Variants in CRPPA observed in about 807,000 individuals in gnomAD.
CRPPA encodes CDP-L-ribitol pyrophosphorylase A, also known as D-ribitol-5-phosphate cytidylyltransferase.
Under a neutral mutation model 52.0 loss-of-function variants are expected in CRPPA, and 43 were observed. The observed-to-expected ratio is 0.83, with a 90% CI of 0.65 to 1.07. The LOEUF is 1.07. Ranked by LOEUF, CRPPA falls within the 50% of genes least tolerant of loss-of-function variation. CRPPA has a pLI of 0.00. For missense variants in CRPPA, 629 were observed against 551.7 expected (o/e 1.14, Z -1.40); for synonymous variants, 250 against 203.5 (o/e 1.23, Z -1.94).
At chr7:16,245,911 C>T (rs759515107) in intron 8 of CRPPA, among the ~76,000 whole-genome samples, 8 of 152,012 alleles carry the variant, frequency 5.3e-5, no homozygotes, top group Non-Finnish European at 8.8e-5. Flanking sequence ...GAGCCTTCAG[C>T]GAGTCCTAAT....
chr7:16,106,072 A>G (rs979848695), intron 9 of CRPPA, among the ~76,000 whole-genome samples: 8 of 152,130 alleles, frequency 5.3e-5, no homozygotes, highest in Non-Finnish European at 1.2e-4. Flanking sequence ...CTTGACCCAG[A>G]AAGTCAAGCA....
At chr7:16,241,946 C>CTTT (rs71549979) in intron 8 of CRPPA, among the ~76,000 whole-genome samples, 1,504 of 55,272 alleles carry the variant, frequency 0.027, 100 homozygotes, top group African/African-American at 0.041. Context: ...AAAATCTATT[C>CTTT]TTTTTTTTTT....
intron 3 of CRPPA, among the ~76,000 whole-genome samples, chr7:16,329,680 C>T (rs1785504355): frequency 6.6e-6 from 1 of 152,160 alleles, no homozygotes; most frequent in Non-Finnish European, 1.5e-5. Flanking sequence ...AATACAAACA[C>T]GTAAACAATC....
At chr7:16,417,193 T>C (rs1374873486) in intron 1 of CRPPA, among the ~76,000 whole-genome samples, 2 of 152,152 alleles carry the variant, frequency 1.3e-5, no homozygotes, top group African/African-American at 4.8e-5. Flanking sequence ...ACACTGTTAC[T>C]GGGAAAGTCA....
intron 9 of CRPPA, among the ~76,000 whole-genome samples, chr7:16,214,351 C>T (rs1398609564): frequency 6.6e-6 from 1 of 152,176 alleles, no homozygotes; most frequent in African/African-American, 2.4e-5. Context: ...GGATTATTTA[C>T]ACTCTCCATT....
rs1422966334 is a variant in CRPPA at position 16,133,022 on chromosome 7, T to G, written c.1252-41223A>C. ...AAATACAAAAATTAGTCAGGCATAG[T>G]GGCCTGTGTCTGTAGTTCCAGCTAC... On this transcript the variant is annotated intron_variant, in intron 9 of 9. Transcript: ENST00000407010. Among the ~76,000 whole-genome samples the G allele has an allele frequency of 1.6e-5, 2 of 122,906 alleles. 1 individual carries two copies. Among genetic ancestry groups the G allele is most frequent in the African/African-American group, 5.3e-5 (2 of 37,952 alleles). 80.6% of individuals were successfully genotyped at this position (122,906 alleles called of 152,430 possible). A position where few individuals can be genotyped will look rare whatever the true frequency, so the allele number is the denominator to read the frequency against.
intron 3 of CRPPA, among the ~76,000 whole-genome samples, chr7:16,356,343 C>A (rs1313689232): frequency 6.6e-6 from 1 of 152,158 alleles, no homozygotes; most frequent in African/African-American, 2.4e-5. Context: ...TAAATAAACT[C>A]AAAGCTGTCT....
chr7:16,336,934 A>T (rs536092307), intron 3 of CRPPA, among the ~76,000 whole-genome samples: 95 of 152,276 alleles, frequency 6.2e-4, no homozygotes, highest in Non-Finnish European at 1.1e-3. Flanking sequence ...GCAAGACCAC[A>T]TAAAATTCAT....
intron 3 of CRPPA, among the ~76,000 whole-genome samples, chr7:16,350,875 C>T (rs1278996144): frequency 1.8e-4 from 27 of 152,114 alleles, no homozygotes. Flanking sequence ...TCTTAAAGAA[C>T]ACTCAGACTG....
intron 3 of CRPPA, among the ~76,000 whole-genome samples, chr7:16,348,539 T>C (rs534967246): frequency 2.6e-5 from 4 of 152,346 alleles, no homozygotes; most frequent in East Asian, 3.9e-4. Flanking sequence ...ACTAGGTATA[T>C]GAGCGTCTCC....
rs572965690 is a variant in CRPPA at position 16,359,625 on chromosome 7, C to T, written c.684+16467G>A. On this transcript the variant is annotated intron_variant, in intron 3 of 9. Transcript: ENST00000407010. Reference sequence around the variant, plus strand: ...CAGATTCTTAAAGATTACGATATGCCTTTCAGTTAATTTTTATTTACTCAG... The same window carrying T: ...CAGATTCTTAAAGATTACGATATGCTTTTCAGTTAATTTTTATTTACTCAG... 2.0e-5 allele frequency among the ~76,000 whole-genome samples: 3 copies of T among 152,236 alleles called. No homozygotes were observed. In the South Asian group the frequency reaches 6.2e-4, roughly 32 times the overall value.
At chr7:16,340,347 T>C (rs1562641601) in intron 3 of CRPPA, among the ~76,000 whole-genome samples, 3 of 152,090 alleles carry the variant, frequency 2.0e-5, no homozygotes, top group African/African-American at 4.8e-5. Flanking sequence ...AAAAGATATG[T>C]GGTAAAAGAC....
chr7:16,189,598 A>T (rs991038358), intron 9 of CRPPA, among the ~76,000 whole-genome samples: 1 of 152,206 alleles, frequency 6.6e-6, no homozygotes, highest in Non-Finnish European at 1.5e-5. Context: ...GTTGCCAAGT[A>T]CCACACAGGT....
intron 9 of CRPPA, among the ~76,000 whole-genome samples, chr7:16,211,163 CA>C (rs1782125170): frequency 6.6e-6 from 1 of 152,136 alleles, no homozygotes; most frequent in Admixed American, 6.6e-5. Flanking sequence ...ATTTCATTTA[CA>C]TATATCTAAG....
intron 8 of CRPPA, among the ~76,000 whole-genome samples, chr7:16,233,168 G>A (rs886315815): frequency 3.3e-5 from 5 of 151,950 alleles, no homozygotes; most frequent in African/African-American, 1.2e-4. Flanking sequence ...GCAAAAAGAG[G>A]AAATTAAACA....
intron 2 of CRPPA, 26 bp from the exon 3 acceptor site, chr7:16,376,267 T>G: frequency 6.4e-7 from 1 of 1,573,414 alleles, no homozygotes; most frequent in Non-Finnish European, 8.6e-7. Context: ...GCAAAGAATA[T>G]ATTTCACCTA....
intron 8 of CRPPA, among the ~76,000 whole-genome samples, chr7:16,239,136 T>TTAAAAAAAAA (rs1783031690): frequency 9.4e-5 from 1 of 10,694 alleles, no homozygotes; most frequent in Non-Finnish European, 1.8e-4. Context: ...AGACTCTGTC[T>TTAAAAAAAAA]CAAAAAAAAA....
intron 9 of CRPPA, among the ~76,000 whole-genome samples, chr7:16,142,553 A>T (rs189724831): frequency 2.0e-5 from 3 of 152,336 alleles, no homozygotes; most frequent in Admixed American, 2.0e-4. Context: ...GGTCAAATAG[A>T]TCTTCCAAAG....
At chr7:16,130,716 T>C (rs1219178364) in intron 9 of CRPPA, among the ~76,000 whole-genome samples, 1 of 152,208 alleles carries the variant, frequency 6.6e-6, no homozygotes, top group Non-Finnish European at 1.5e-5. Flanking sequence ...TCCAGATGAA[T>C]ATCACTTGGA....
Sources: gnomAD v4.1 joint callset for allele counts (sites outside exome capture counted in the v4.1 genomes callset) on GRCh38, gnomAD v4.1.1 for gene constraint, MANE v1.5 for transcripts, NCBI Gene and HGNC (gene_info 2026-07-23, HGNC 2026-07-21) for gene names.